Variants in TMCC1 observed in about 807,000 individuals in gnomAD.
TMCC1 encodes transmembrane and coiled-coil domains protein 1.
TMCC1 carries 15 observed loss-of-function variants against 52.4 expected under a neutral mutation model. The ratio of observed to expected loss-of-function variants is 0.29; its 90% CI spans 0.19 to 0.44. The LOEUF (loss-of-function observed/expected upper bound fraction) is 0.44, where lower values mean the gene tolerates loss of function less well. Among genes scored for constraint, TMCC1 ranks in the 20% least tolerant of loss-of-function variants. The pLI is 1.00. For synonymous variants in TMCC1, 279 were observed against 301.9 expected (o/e 0.92, Z 0.79); for missense variants, 503 against 806.0 (o/e 0.62, Z 4.55).
rs1274585596 is a variant in TMCC1, at chr3:129,893,706, C to G, written c.-647G>C. The G allele has an allele frequency of 2.0e-5, 3 of 149,018 alleles. No individual in the cohort carries two copies. The highest frequency in any genetic ancestry group is 4.9e-5 in the African/African-American group (2 of 40,940). 9.2% of individuals were successfully genotyped at this position (149,018 alleles called of 1,614,324 possible). A position where few individuals can be genotyped will look rare whatever the true frequency, so the allele number is the denominator to read the frequency against. ...CCCGGCGCGGGAGGGCGAACCGGCG[C>G]GAGAGAGCGAGCGCGCGCGCGCCCC... On this transcript the variant is annotated 5_prime_UTR_variant, in exon 1 of 7. Coordinates refer to ENST00000393238, the MANE Select transcript of TMCC1 (RefSeq NM_001017395.5).
At position 129,663,670 on chromosome 3, in the gene TMCC1, A is replaced by G. The variant is rs148612626; in HGVS notation, c.1511+6660T>C. Among the ~76,000 whole-genome samples, 894 of 152,308 alleles carry G rather than the reference A, an allele frequency of 5.9e-3. 23 individuals carry two copies. Among genetic ancestry groups the G allele is most frequent in the Non-Finnish European group, 3.3e-3 (225 of 68,010 alleles). On this transcript the variant is annotated intron_variant, in intron 5 of 6. Transcript: ENST00000393238. ...TAGGCAATGAATTATCTTAATGACA[A>G]GAAAACAGTAAATATCTAAATAATA...
chr3:129,680,239 A>G (rs960369145), intron 4 of TMCC1, among the ~76,000 whole-genome samples: 1 of 152,220 alleles, frequency 6.6e-6, no homozygotes, highest in Non-Finnish European at 1.5e-5. Context: ...TGAGACTACG[A>G]AAGTGGAAGA....
intron 2 of TMCC1, among the ~76,000 whole-genome samples, chr3:129,874,908 A>G (rs1355114379): frequency 6.6e-6 from 1 of 152,140 alleles, no homozygotes; most frequent in African/African-American, 2.4e-5. Flanking sequence ...ATATATTTGA[A>G]CCTTTCTCTT....
intron 4 of TMCC1, among the ~76,000 whole-genome samples, chr3:129,795,433 C>G (rs972108435): frequency 7.0e-6 from 1 of 142,592 alleles, no homozygotes; most frequent in African/African-American, 2.6e-5. Flanking sequence ...GAATTTAGTA[C>G]TGTTTAGGGC....
At chr3:129,706,635 A>G (rs956903226) in intron 4 of TMCC1, among the ~76,000 whole-genome samples, 3 of 152,182 alleles carry the variant, frequency 2.0e-5, no homozygotes, top group African/African-American at 7.2e-5. Context: ...ATTCAAGTGG[A>G]TACATTAACA....
At chr3:129,751,740 T>A (rs776984581) in intron 4 of TMCC1, among the ~76,000 whole-genome samples, 1 of 152,172 alleles carries the variant, frequency 6.6e-6, no homozygotes, top group South Asian at 2.1e-4. Flanking sequence ...TTTGTATTTT[T>A]AGGAGACACA....
At chr3:129,770,602 TAAATG>T (rs545957104) in intron 4 of TMCC1, among the ~76,000 whole-genome samples, 2,828 of 132,788 alleles carry the variant, frequency 0.021, 61 homozygotes, top group African/African-American at 0.068. Flanking sequence ...TAAAATAAAA[TAAATG>T]AAATGAAATG....
intron 4 of TMCC1, among the ~76,000 whole-genome samples, chr3:129,763,065 G>C (rs2053745901): frequency 6.6e-6 from 1 of 151,634 alleles, no homozygotes; most frequent in African/African-American, 2.4e-5. Context: ...GGGCGTAGTA[G>C]CAGGTGCCTG....
At chr3:129,810,496 C>T (rs1444468579) in intron 4 of TMCC1, among the ~76,000 whole-genome samples, 2 of 152,168 alleles carry the variant, frequency 1.3e-5, no homozygotes, top group South Asian at 2.1e-4. Flanking sequence ...TCTCATAAAG[C>T]TAAACTCCTG....
chr3:129,892,022 CTG>C (rs1213064488), intron 1 of TMCC1, among the ~76,000 whole-genome samples: 2 of 152,242 alleles, frequency 1.3e-5, no homozygotes, highest in African/African-American at 4.8e-5. Flanking sequence ...TGTCCCAACA[CTG>C]TCAGCGGTCT....
In TMCC1 at chr3:129,828,174, C is replaced by G; in HGVS notation, c.205G>C (p.Asp69His). 1.2e-6 allele frequency: 2 copies of G among 1,614,138 alleles called. No individual in the cohort carries two copies. The highest frequency in any genetic ancestry group is 1.7e-6 in the Non-Finnish European group (2 of 1,180,028). The part of the protein sequence containing the change: ...QRRRSSVSPH[D>H]VQQIQADPEP... ...GGATCTGCCTGAATTTGCTGCACATCATGTGGAGACACTGATGACCTCCTG... is the reference window on the plus strand; with the variant it reads ...GGATCTGCCTGAATTTGCTGCACATGATGTGGAGACACTGATGACCTCCTG... Residue 69 changes from aspartate to histidine, a missense_variant, in exon 4 of 7, where the codon GAT (aspartate) becomes CAT (histidine). Transcript: ENST00000393238. The surrounding 1 kb of genome is among the most constrained non-coding windows in gnomAD (Gnocchi z 4.1).
intron 4 of TMCC1, among the ~76,000 whole-genome samples, chr3:129,755,315 T>A (rs570787931): frequency 4.6e-5 from 7 of 152,178 alleles, no homozygotes; most frequent in Admixed American, 3.3e-4. Flanking sequence ...ACCCAAGTAA[T>A]AAATTGTACA....
At chr3:129,765,988 T>C (rs1399091694) in intron 4 of TMCC1, among the ~76,000 whole-genome samples, 1 of 152,118 alleles carries the variant, frequency 6.6e-6, no homozygotes, top group Admixed American at 6.5e-5. Flanking sequence ...CTGATTTGGA[T>C]ATACTCGAAG....
intron 4 of TMCC1, among the ~76,000 whole-genome samples, chr3:129,794,948 C>A (rs148192438): frequency 6.6e-6 from 1 of 152,208 alleles, no homozygotes; most frequent in South Asian, 2.1e-4. Context: ...GAAAAGCAAG[C>A]CCCTGGCTGT....
At chr3:129,786,502 C>T (rs1247311393) in intron 4 of TMCC1, among the ~76,000 whole-genome samples, 1 of 152,138 alleles carries the variant, frequency 6.6e-6, no homozygotes, top group Non-Finnish European at 1.5e-5. Context: ...GGGAAGGAGT[C>T]TTGGGAACCA....
At chr3:129,826,904 T>C (rs2058685678) in intron 4 of TMCC1, among the ~76,000 whole-genome samples, 1 of 152,166 alleles carries the variant, frequency 6.6e-6, no homozygotes, top group African/African-American at 2.4e-5. Context: ...AAGGCAGACC[T>C]AGCCCACAAA....
At chr3:129,884,816 T>C (rs2061616322) in intron 1 of TMCC1, among the ~76,000 whole-genome samples, 1 of 152,124 alleles carries the variant, frequency 6.6e-6, no homozygotes, top group Admixed American at 6.6e-5. Flanking sequence ...TTTTTCACTG[T>C]CTCAATGGAA....
intron 4 of TMCC1, among the ~76,000 whole-genome samples, chr3:129,697,112 C>T (rs984535987): frequency 6.6e-6 from 1 of 152,224 alleles, no homozygotes; most frequent in African/African-American, 2.4e-5. Context: ...GGGGCTCCAA[C>T]CCCACATTTT....
intron 4 of TMCC1, among the ~76,000 whole-genome samples, chr3:129,753,475 T>C (rs896687266): frequency 1.3e-5 from 2 of 152,196 alleles, no homozygotes; most frequent in African/African-American, 4.8e-5. Flanking sequence ...AATTTAGCAA[T>C]ATATAAAACG....
Sources: allele counts gnomAD v4.1 joint callset (sites outside exome capture counted in the v4.1 genomes callset), GRCh38; gene constraint gnomAD v4.1.1; non-coding constraint Gnocchi (gnomAD v3.1); transcripts MANE v1.5; gene names NCBI Gene and HGNC (gene_info 2026-07-23, HGNC 2026-07-21).